Variants in SS18 observed in about 807,000 individuals in gnomAD.
SS18 encodes the protein SS18 subunit of BAF chromatin remodeling complex.
A neutral mutation model predicts 72.5 loss-of-function variants in SS18; 28 were observed. That is an observed-to-expected ratio of 0.39 (90% CI 0.29 to 0.53). SS18 has a LOEUF of 0.53. Ranked by LOEUF, SS18 falls within the 20% of genes least tolerant of loss-of-function variation. The pLI is 0.76. For synonymous variants in SS18, 172 were observed against 164.2 expected, an observed-to-expected ratio of 1.05 and a Z score of -0.37; for missense variants, 518 against 535.3, an observed-to-expected ratio of 0.97 and a Z score of 0.32.
intron 5 of SS18, among the ~76,000 whole-genome samples, chr18:26,048,398 T>C (rs2053866490): frequency 6.6e-6 from 1 of 152,178 alleles, no homozygotes; most frequent in South Asian, 2.1e-4. Context: ...ATACAAAGAA[T>C]GTTGCCATTT....
chr18:26,033,738 G>C (rs2053583023), intron 9 of SS18, among the ~76,000 whole-genome samples: 1 of 151,758 alleles, frequency 6.6e-6, no homozygotes. Flanking sequence ...CAAGCCTATG[G>C]ATAAACAAAA....
chr18:26,035,829 A>G lies in SS18; in HGVS notation c.973+2T>C. 1 of 1,588,776 alleles carries G rather than the reference A, an allele frequency of 6.3e-7. No individual in the cohort carries two copies. The highest frequency in any genetic ancestry group is 8.6e-7 in the Non-Finnish European group (1 of 1,163,290). ...TGTATGTGTGTGAAGGTATATAGATACCTCCTTCGTAGTAATGTTGTGAGG... is the reference window on the plus strand; with the variant it reads ...TGTATGTGTGTGAAGGTATATAGATGCCTCCTTCGTAGTAATGTTGTGAGG... On this transcript the variant is annotated splice_donor_variant, in intron 8 of 10. Transcript: ENST00000415083. LOFTEE classifies it high-confidence loss of function. This position sits in a 1 kb window ranked among gnomAD's most constrained non-coding sequence, Gnocchi z 4.4.
intron 3 of SS18, among the ~76,000 whole-genome samples, chr18:26,061,388 G>C (rs1047142246): frequency 2.0e-5 from 3 of 152,186 alleles, no homozygotes; most frequent in African/African-American, 7.2e-5. Flanking sequence ...CTGTAAGAAA[G>C]TCAAATGACA....
At chr18:26,069,228 G>C (rs896375450) in intron 3 of SS18, among the ~76,000 whole-genome samples, 11 of 151,940 alleles carry the variant, frequency 7.2e-5, no homozygotes, top group Admixed American at 1.3e-4. Flanking sequence ...TTACATGTTG[G>C]ACACCATGAA....
intron 5 of SS18, among the ~76,000 whole-genome samples, chr18:26,052,058 T>A (rs553730296): frequency 3.8e-4 from 58 of 152,342 alleles, no homozygotes; most frequent in Non-Finnish European, 5.9e-5. Flanking sequence ...CGCCACTTAC[T>A]GGCTTTTAGT....
rs1340502105 is a variant in SS18, at chr18:26,035,737, A to T, written c.973+94T>A. ...GAAAGCCAGCAACTAGTATTCTACA[A>T]GAGCTTTGCATGGGTAGAAGTTGTC... On this transcript the variant is annotated intron_variant, in intron 8 of 10. Coordinates refer to ENST00000415083, the MANE Select transcript of SS18 (RefSeq NM_001007559.3). The surrounding 1 kb of genome is among the most constrained non-coding windows in gnomAD (Gnocchi z 4.4). The T allele has an allele frequency of 8.0e-6, 6 of 750,008 alleles. No individual in the cohort carries two copies. The highest frequency in any genetic ancestry group is 1.2e-5 in the Non-Finnish European group (6 of 489,378). The allele number at this position is 750,008 out of a possible 1,614,324, so 46.5% of individuals were successfully genotyped here.
chr18:26,056,862 T>C (rs1288792808), intron 4 of SS18, among the ~76,000 whole-genome samples: 1 of 152,146 alleles, frequency 6.6e-6, no homozygotes, highest in African/African-American at 2.4e-5. Context: ...AAAAACAAAA[T>C]AGTGTAAAGA....
At chr18:26,090,874 C>G (rs1021500333), upstream of SS18, 2 of 421,700 alleles carry the variant, frequency 4.7e-6, no homozygotes, top group Non-Finnish European at 8.4e-6. Context: ...GCGCCCTAGT[C>G]CTCCCTCCGC....
Position 26,066,739 on chromosome 18 carries a change from T to C in SS18, c.232-8997A>G, listed in dbSNP as rs181904485. Among the ~76,000 whole-genome samples, 198 of 152,236 alleles carry C rather than the reference T, an allele frequency of 1.3e-3. 1 individual carries two copies. The highest frequency in any genetic ancestry group is 4.2e-3 in the African/African-American group (175 of 41,538). ...AGCAAACAGTAAACATGATTTTTTT[T>C]CCTAAGATATTTGAAAAAGAAGGTA... On this transcript the variant is annotated intron_variant, in intron 3 of 10. Transcript: ENST00000415083.
At chr18:26,029,002 T>C (rs1246000850) in intron 10 of SS18, among the ~76,000 whole-genome samples, 2 of 152,196 alleles carry the variant, frequency 1.3e-5, no homozygotes, top group Non-Finnish European at 2.9e-5. Flanking sequence ...CTTACTTAGG[T>C]GGTCAGTGAA....
chr18:26,042,596 A>G (rs989995689), intron 5 of SS18, among the ~76,000 whole-genome samples: 5 of 151,708 alleles, frequency 3.3e-5, no homozygotes, highest in African/African-American at 9.7e-5. Flanking sequence ...CTTTTCTCCA[A>G]TGAGATGGTT....
intron 3 of SS18, 29 bp downstream of exon 3, chr18:26,078,047 C>T: frequency 6.6e-7 from 1 of 1,519,916 alleles, no homozygotes; most frequent in South Asian, 1.2e-5. Context: ...TAAAGATTGT[C>T]TACTTCACAT....
intron 3 of SS18, among the ~76,000 whole-genome samples, chr18:26,062,701 G>T (rs1233322031): frequency 6.6e-6 from 1 of 152,082 alleles, no homozygotes; most frequent in Non-Finnish European, 1.5e-5. Context: ...AATGGAAAAA[G>T]ATATCATGCA....
intron 5 of SS18, among the ~76,000 whole-genome samples, chr18:26,040,461 T>TC: frequency 6.6e-6 from 1 of 151,898 alleles, no homozygotes; most frequent in African/African-American, 2.4e-5. Context: ...ATACTCCTCC[T>TC]CCCCCTTGAG....
In SS18 at chr18:26,017,677, CT is replaced by C; in HGVS notation, c.*676del. On this transcript the variant is annotated 3_prime_UTR_variant, in exon 11 of 11. Coordinates refer to ENST00000415083, the MANE Select transcript of SS18 (RefSeq NM_001007559.3). ...AAACTGGAAGGCTTTTAAAAAATGT[CT>C]TTTTACTCAAAACTGTATCACAGTG... 2 of 212,006 alleles carry C rather than the reference CT, an allele frequency of 9.4e-6. No individual in the cohort carries two copies. Among genetic ancestry groups the C allele is most frequent in the African/African-American group, 2.3e-5 (1 of 44,296 alleles). The allele number at this position is 212,006 out of a possible 1,614,324, so 13.1% of individuals were successfully genotyped here.
chr18:26,064,811 G>C (rs2054183923), intron 3 of SS18: 1 of 151,836 alleles, frequency 6.6e-6, no homozygotes, highest in Admixed American at 6.6e-5. Context: ...TTAAAAAGAA[G>C]ACTTACAATT....
chr18:26,055,902 C>T (rs912115216), intron 4 of SS18, among the ~76,000 whole-genome samples: 8 of 151,816 alleles, frequency 5.3e-5, no homozygotes, highest in African/African-American at 1.7e-4. Flanking sequence ...GGATTACAGA[C>T]GTGCAATACC....
In SS18 at chr18:26,035,780, T is replaced by C. The variant is rs765188705; in HGVS notation, c.973+51A>G. On this transcript the variant is annotated intron_variant, in intron 8 of 10. Coordinates refer to ENST00000415083, the MANE Select transcript of SS18 (RefSeq NM_001007559.3). This position sits in a 1 kb window ranked among gnomAD's most constrained non-coding sequence, Gnocchi z 4.4. Reference sequence around the variant, plus strand: ...AAGTTGTCTTATGCAAGAATTTTCATTCCTGTAGAAGGGGATATATATGTG... The same window carrying C: ...AAGTTGTCTTATGCAAGAATTTTCACTCCTGTAGAAGGGGATATATATGTG... 6 of 1,300,606 alleles carry C rather than the reference T, an allele frequency of 4.6e-6. No homozygotes were observed. Among genetic ancestry groups the C allele is most frequent in the South Asian group, 4.4e-5 (3 of 68,688 alleles). 80.6% of individuals were successfully genotyped at this position (1,300,606 alleles called of 1,614,324 possible). A position where few individuals can be genotyped will look rare whatever the true frequency, so the allele number is the denominator to read the frequency against.
At chr18:26,040,793 A>T (rs1160764504) in intron 5 of SS18, among the ~76,000 whole-genome samples, 3 of 152,116 alleles carry the variant, frequency 2.0e-5, no homozygotes, top group Non-Finnish European at 4.4e-5. Flanking sequence ...CATAAATGTG[A>T]ATGTAAGCCT....
Sources: allele counts gnomAD v4.1 joint callset (sites outside exome capture counted in the v4.1 genomes callset), GRCh38; gene constraint gnomAD v4.1.1; non-coding constraint Gnocchi (gnomAD v3.1); transcripts MANE v1.5; gene names NCBI Gene and HGNC (gene_info 2026-07-23, HGNC 2026-07-21).